Variants in NR2E1 observed in about 807,000 individuals in gnomAD.
NR2E1 encodes the protein nuclear receptor subfamily 2 group E member 1, also known as nuclear receptor TLX.
Under a neutral mutation model 43.6 loss-of-function variants are expected in NR2E1, and 5 were observed. That is an observed-to-expected ratio of 0.11 (90% CI 0.06 to 0.24). The LOEUF is 0.24. Among genes scored for constraint, NR2E1 ranks in the 10% least tolerant of loss-of-function variants. NR2E1 has a pLI of 1.00. For missense variants in NR2E1, 287 were observed against 496.7 expected (o/e 0.58, Z 4.01); for synonymous variants, 191 against 195.5 (o/e 0.98, Z 0.19).
Position 108,187,571 on chromosome 6 carries a change from G to A in NR2E1, c.*108G>A. On this transcript the variant is annotated 3_prime_UTR_variant, in exon 9 of 9. Coordinates refer to ENST00000368986, the MANE Select transcript of NR2E1 (RefSeq NM_003269.5). The stretch of plus-strand genomic sequence containing the variant: ...CTTCAGGAAGCATATACCGGGGAAT[G>A]TGTAGCCTTCAGGAAAAAAATGCCA... 7.8e-7 allele frequency: 1 copy of A among 1,283,724 alleles called. No individual in the cohort carries two copies. Among genetic ancestry groups the A allele is most frequent in the Non-Finnish European group, 1.1e-6 (1 of 891,150 alleles). 79.5% of individuals were successfully genotyped at this position (1,283,724 alleles called of 1,614,324 possible).
intron 5 of NR2E1, among the ~76,000 whole-genome samples, chr6:108,179,537 C>T (rs3778584): frequency 0.47 from 66,379 of 140,508 alleles, 15,234 homozygotes; most frequent in Middle Eastern, 0.52. Context: ...TGTGTGTAGA[C>T]TGGCTATTTT....
Position 108,166,705 on chromosome 6 carries a change from G to A in NR2E1, c.-61G>A, listed in dbSNP as rs1379601361. Reference sequence around the variant, plus strand: ...GAGCGGCGGCGCCCGGCGGCGAGGCGGGCGCTGCCGGCCGGGACTCGGGCA... The same window carrying A: ...GAGCGGCGGCGCCCGGCGGCGAGGCAGGCGCTGCCGGCCGGGACTCGGGCA... On this transcript the variant is annotated 5_prime_UTR_variant, in exon 1 of 9. Coordinates refer to ENST00000368986, the MANE Select transcript of NR2E1 (RefSeq NM_003269.5). This position sits in a 1 kb window ranked among gnomAD's most constrained non-coding sequence, Gnocchi z 7.2. 3.1e-5 allele frequency: 45 copies of A among 1,433,976 alleles called. 1 individual carries two copies. The South Asian group carries it at 5.9e-4, about 19-fold the overall frequency. The allele number at this position is 1,433,976 out of a possible 1,614,324, so 88.8% of individuals were successfully genotyped here.
intron 1 of NR2E1, chr6:108,168,642 G>C (rs1440609787): frequency 6.5e-6 from 1 of 152,940 alleles, no homozygotes; most frequent in East Asian, 1.9e-4. Flanking sequence ...GCAGGACAGC[G>C]GCCCCCGCCG....
intron 2 of NR2E1, among the ~76,000 whole-genome samples, chr6:108,174,490 C>G (rs1773862642): frequency 6.6e-6 from 1 of 152,146 alleles, no homozygotes; most frequent in South Asian, 2.1e-4. Context: ...TGTTCCACCA[C>G]TCCGCGACTG....
At position 108,188,551 on chromosome 6, in the gene NR2E1, A is replaced by ACC. The variant is rs1554258995; in HGVS notation, c.*1089_*1090dup. 6.2e-5 allele frequency: 9 copies of ACC among 145,490 alleles called. No individual in the cohort carries two copies. Among genetic ancestry groups the ACC allele is most frequent in the African/African-American group, 1.5e-4 (6 of 39,322 alleles). The allele number at this position is 145,490 out of a possible 1,614,324, so 9.0% of individuals were successfully genotyped here. On this transcript the variant is annotated 3_prime_UTR_variant, in exon 9 of 9. Transcript: ENST00000368986. ...CACACACACACACACACACACACACACCGTCCTACACTTTAAGCTGCTCCT... is the reference window on the plus strand; with the variant it reads ...CACACACACACACACACACACACACACCCCGTCCTACACTTTAAGCTGCTCCT...
At chr6:108,174,774 C>T in intron 2 of NR2E1, 62 bp from the exon 3 acceptor site, 4 of 1,444,826 alleles carry the variant, frequency 2.8e-6, no homozygotes, top group South Asian at 2.3e-5. Context: ...CGCCCGGGTG[C>T]CGGCTCCGGG....
At chr6:108,167,106 G>A (rs1773722662) in intron 1 of NR2E1, among the ~76,000 whole-genome samples, 1 of 152,084 alleles carries the variant, frequency 6.6e-6, no homozygotes, top group African/African-American at 2.4e-5. Context: ...GGCCATGGGG[G>A]CGGGAACTGG....
chr6:108,184,724 G>A (rs990369062), intron 8 of NR2E1, among the ~76,000 whole-genome samples: 8 of 152,108 alleles, frequency 5.3e-5, no homozygotes, highest in East Asian at 1.9e-4. Flanking sequence ...AGGGTGGCCC[G>A]AGAGAATTCA....
chr6:108,175,282 TG>T, intron 3 of NR2E1, among the ~76,000 whole-genome samples: 1 of 152,362 alleles, frequency 6.6e-6, no homozygotes, highest in Non-Finnish European at 1.5e-5. Context: ...CCTGCTAGCC[TG>T]CCCCAGGATC....
At chr6:108,167,806 C>T (rs77895588) in intron 1 of NR2E1, among the ~76,000 whole-genome samples, 20 of 152,058 alleles carry the variant, frequency 1.3e-4, no homozygotes, top group African/African-American at 4.3e-4. Flanking sequence ...CCTTCCCTCC[C>T]CCTCCCCCTT....
rs1381786957 is a variant in NR2E1, at chr6:108,187,540, C to G, written c.*77C>G. 1.3e-6 allele frequency: 2 copies of G among 1,492,070 alleles called. No homozygotes were observed. The highest frequency in any genetic ancestry group is 2.8e-5 in the African/African-American group (2 of 72,462). The allele number at this position is 1,492,070 out of a possible 1,614,324, so 92.4% of individuals were successfully genotyped here. On this transcript the variant is annotated 3_prime_UTR_variant, in exon 9 of 9. Transcript: ENST00000368986. ...CCCATGGAGAACAAGCCTCAACTAACAAACCCTTCAGGAAGCATATACCGG... is the reference window on the plus strand; with the variant it reads ...CCCATGGAGAACAAGCCTCAACTAAGAAACCCTTCAGGAAGCATATACCGG...
rs779046741 is a variant in NR2E1 at position 108,178,163 on chromosome 6, A to T, written c.564A>T (p.Ser188=). 1.2e-5 allele frequency: 20 copies of T among 1,614,064 alleles called. No homozygotes were observed. Among genetic ancestry groups the T allele is most frequent in the Non-Finnish European group, 1.6e-5 (19 of 1,180,032 alleles). The change falls in exon 5 of 9, where the codon TCA becomes TCT. Residue 188 remains serine, a synonymous_variant. Transcript: ENST00000368986. ...YEVATESVCE[S]AARLLFMSIK... is the part of the protein sequence containing the mutation. The stretch of plus-strand genomic sequence containing the variant: ...TGGCCACGGAGTCGGTGTGTGAATC[A>T]GCTGCCAGACTTCTCTTCATGAGCA...
chr6:108,176,560 A>T lies in NR2E1; in HGVS notation c.317A>T (p.Tyr106Phe). Residue 106 changes from tyrosine (Y) to phenylalanine (F), a missense_variant, in exon 4 of 9, where the codon TAC becomes TTC. Tyr to Phe is a conservative substitution (Grantham distance 22). This residue lies in a region of NR2E1 where 119 missense variants were observed against 155.7 expected (regional missense o/e 0.76). Coordinates refer to ENST00000368986, the MANE Select transcript of NR2E1 (RefSeq NM_003269.5). The part of the protein sequence containing the change: ...TSTIRKQVAL[Y>F]FRGHKEENGA... Reference sequence around the variant, plus strand: ...ACCATCCGCAAGCAAGTGGCCCTCTACTTCCGTGGACACAAGGAGGAGAAC... The same window carrying T: ...ACCATCCGCAAGCAAGTGGCCCTCTTCTTCCGTGGACACAAGGAGGAGAAC... The T allele has an allele frequency of 6.2e-7, 1 of 1,613,108 alleles. No homozygotes were observed.
chr6:108,177,084 C>G (rs1773912565), intron 4 of NR2E1, among the ~76,000 whole-genome samples: 1 of 152,116 alleles, frequency 6.6e-6, no homozygotes, highest in South Asian at 2.1e-4. Flanking sequence ...CTCGTCTAAA[C>G]CCAGAGGGCA....
At chr6:108,183,390 A>T (rs936282432) in intron 8 of NR2E1, among the ~76,000 whole-genome samples, 39 of 150,822 alleles carry the variant, frequency 2.6e-4, no homozygotes, top group African/African-American at 6.3e-4. Flanking sequence ...TATGCCATTT[A>T]AAAAAAAAGC....
At chr6:108,173,369 T>C (rs1044551259) in intron 2 of NR2E1, among the ~76,000 whole-genome samples, 6 of 152,232 alleles carry the variant, frequency 3.9e-5, no homozygotes, top group African/African-American at 1.4e-4. Flanking sequence ...ACTATTACAT[T>C]GGCCAGCAAA....
intron 1 of NR2E1, among the ~76,000 whole-genome samples, chr6:108,168,324 C>A (rs1028328439): frequency 6.6e-6 from 1 of 151,686 alleles, no homozygotes; most frequent in Non-Finnish European, 1.5e-5. Flanking sequence ...GACAGGCCCT[C>A]GCCTACACCC....
chr6:108,183,649 T>C (rs1774027218), intron 8 of NR2E1, among the ~76,000 whole-genome samples: 1 of 152,190 alleles, frequency 6.6e-6, no homozygotes, highest in South Asian at 2.1e-4. Flanking sequence ...TTTGGGGTGA[T>C]ACCACTTCTG....
chr6:108,181,351 G>C (rs1450383419), intron 7 of NR2E1, among the ~76,000 whole-genome samples, 195 bp from the exon 8 acceptor site: 2 of 152,000 alleles, frequency 1.3e-5, no homozygotes, highest in Non-Finnish European at 2.9e-5. Flanking sequence ...ATGCCACCAT[G>C]CCTGGCTAAT....
Sources: allele counts gnomAD v4.1 joint callset (sites outside exome capture counted in the v4.1 genomes callset), GRCh38; gene constraint gnomAD v4.1.1; regional missense constraint gnomAD v4.1.1; non-coding constraint Gnocchi (gnomAD v3.1); transcripts MANE v1.5; gene names NCBI Gene and HGNC (gene_info 2026-07-23, HGNC 2026-07-21).